The following SLC4A4 variants were observed in gnomAD, a reference collection of about 807,000 sequenced individuals.
SLC4A4 encodes electrogenic sodium bicarbonate cotransporter 1.
In SLC4A4, 27 loss-of-function variants were observed where a neutral mutation model predicts 111.5. That is an observed-to-expected ratio of 0.24 (90% CI 0.18 to 0.33). The LOEUF (loss-of-function observed/expected upper bound fraction) is 0.33. Among genes scored for constraint, SLC4A4 ranks in the 10% least tolerant of loss-of-function variants. The pLI is 1.00. For missense variants in SLC4A4, 909 were observed against 1,315.5 expected, an observed-to-expected ratio of 0.69 and a Z score of 4.78; for synonymous variants, 443 against 463.4, an observed-to-expected ratio of 0.96 and a Z score of 0.57.
chr4:71,296,165 T>A (rs1388761018), intron 3 of SLC4A4, among the ~76,000 whole-genome samples: 2 of 152,170 alleles, frequency 1.3e-5, no homozygotes, highest in Admixed American at 1.3e-4. Flanking sequence ...TATGACTGTG[T>A]TTTTATTTTC....
chr4:71,522,672 T>C (rs2045048), intron 16 of SLC4A4, among the ~76,000 whole-genome samples: 88,037 of 152,038 alleles, frequency 0.58, 28,350 homozygotes, highest in Non-Finnish European at 0.74. Context: ...CTAATTTTCT[T>C]CCTTAGAATA....
chr4:71,204,505 A>G (rs1382943132), intron 1 of SLC4A4, among the ~76,000 whole-genome samples: 2 of 152,144 alleles, frequency 1.3e-5, no homozygotes, highest in African/African-American at 4.8e-5. Flanking sequence ...TTGTTTCCAT[A>G]CAGGTTTCAC....
chr4:71,421,179 T>G (rs1391594384), intron 7 of SLC4A4, among the ~76,000 whole-genome samples: 1 of 151,704 alleles, frequency 6.6e-6, no homozygotes, highest in Non-Finnish European at 1.5e-5. Context: ...AGGTAGGGGT[T>G]TCAATCCTAG....
At chr4:71,554,919 T>C (rs927958029) in intron 20 of SLC4A4, among the ~76,000 whole-genome samples, 1 of 151,722 alleles carries the variant, frequency 6.6e-6, no homozygotes, top group Admixed American at 6.6e-5. Context: ...AAAACAAGCA[T>C]CCAATGAAAA....
At chr4:71,469,303 T>G (rs1043493115) in intron 13 of SLC4A4, among the ~76,000 whole-genome samples, 1 of 152,008 alleles carries the variant, frequency 6.6e-6, no homozygotes, top group Non-Finnish European at 1.5e-5. Context: ...TATTTTTCCC[T>G]ATATTCTTTA....
intron 16 of SLC4A4, among the ~76,000 whole-genome samples, chr4:71,515,549 C>T (rs994679986): frequency 1.3e-5 from 2 of 152,114 alleles, no homozygotes; most frequent in Non-Finnish European, 2.9e-5. Flanking sequence ...TCTAGATTAT[C>T]TATTTAATGC....
At chr4:71,362,096 T>C (rs1161779914) in intron 6 of SLC4A4, among the ~76,000 whole-genome samples, 1 of 152,202 alleles carries the variant, frequency 6.6e-6, no homozygotes, top group African/African-American at 2.4e-5. Context: ...TTTTCTACCT[T>C]TGTAGAAAGT....
chr4:71,339,747 C>T (rs1194060316), intron 4 of SLC4A4, among the ~76,000 whole-genome samples: 1 of 151,984 alleles, frequency 6.6e-6, no homozygotes, highest in Non-Finnish European at 1.5e-5. Context: ...ATAATTTTGG[C>T]TTTTATAAGG....
At chr4:71,272,848 G>C (rs1349656004) in intron 3 of SLC4A4, among the ~76,000 whole-genome samples, 1 of 152,136 alleles carries the variant, frequency 6.6e-6, no homozygotes, top group Non-Finnish European at 1.5e-5. Context: ...TTAAGTACTA[G>C]ATATAGCAAT....
At chr4:71,328,784 T>C (rs1157352280) in intron 3 of SLC4A4, among the ~76,000 whole-genome samples, 1 of 152,114 alleles carries the variant, frequency 6.6e-6, no homozygotes, top group African/African-American at 2.4e-5. Flanking sequence ...CTTCACTTTG[T>C]TGATTGTTTT....
chr4:71,335,587 G>C (rs1728364731), intron 3 of SLC4A4, among the ~76,000 whole-genome samples: 1 of 152,120 alleles, frequency 6.6e-6, no homozygotes, highest in African/African-American at 2.4e-5. Context: ...GCACTTTGGA[G>C]GGCCGAGGAG....
intron 16 of SLC4A4, among the ~76,000 whole-genome samples, chr4:71,521,257 G>A (rs1320614722): frequency 6.6e-6 from 1 of 151,892 alleles, no homozygotes; most frequent in East Asian, 1.9e-4. Context: ...AATGAGATGA[G>A]GTCTTATTCA....
At chr4:71,197,779 T>C (rs934279463) in intron 1 of SLC4A4, among the ~76,000 whole-genome samples, 1 of 152,240 alleles carries the variant, frequency 6.6e-6, no homozygotes, top group Non-Finnish European at 1.5e-5. Context: ...TCTGAAGAAA[T>C]ATGTATTTAT....
Position 71,255,302 on chromosome 4 carries a change from A to C in SLC4A4, c.156A>C (p.Lys52Asn). The change falls in exon 3 of 26, where the codon AAA (lysine) becomes AAC (asparagine). Residue 52 changes from lysine (K) to asparagine (N), a missense_variant. By Grantham distance (94) the Lys-to-Asn change is moderately conservative. Coordinates refer to ENST00000264485, the MANE Select transcript of SLC4A4 (RefSeq NM_001098484.3). ...RRRHKRKTGH[K>N]EKKEKERISE... ...GTCACAAGAGAAAGACAGGGCACAAAGAAAAGAAGGAAAAGGAGAGAATCT... is the reference window on the plus strand; with the variant it reads ...GTCACAAGAGAAAGACAGGGCACAACGAAAAGAAGGAAAAGGAGAGAATCT... 2 of 1,613,614 alleles carry C rather than the reference A, an allele frequency of 1.2e-6. No homozygotes were observed. The highest frequency in any genetic ancestry group is 1.7e-6 in the Non-Finnish European group (2 of 1,179,616).
intron 18 of SLC4A4, among the ~76,000 whole-genome samples, chr4:71,543,922 A>G (rs1735284626): frequency 6.6e-6 from 1 of 151,982 alleles, no homozygotes; most frequent in African/African-American, 2.4e-5. Context: ...GCTAAACAAG[A>G]GTTTATAATT....
chr4:71,387,504 A>AT (rs1375482179), intron 6 of SLC4A4, among the ~76,000 whole-genome samples: 1 of 151,884 alleles, frequency 6.6e-6, no homozygotes, highest in Non-Finnish European at 1.5e-5. Context: ...TTATTTATTT[A>AT]TTTTTTTGAA....
At position 71,314,286 on chromosome 4, in the gene SLC4A4, G is replaced by A. The variant is rs138374514; in HGVS notation, c.254-25084G>A. ...TCTGGAAACAACAGATGCTAATGAG[G>A]ATGTGGAGAATTAGGAATGCTTTTA... On this transcript the variant is annotated intron_variant, in intron 3 of 25. Coordinates refer to ENST00000264485, the MANE Select transcript of SLC4A4 (RefSeq NM_001098484.3). Among the ~76,000 whole-genome samples, 844 of 152,294 alleles carry A rather than the reference G, an allele frequency of 5.5e-3. 9 individuals carry two copies. The highest frequency in any genetic ancestry group is 0.017 in the African/African-American group (721 of 41,574).
At chr4:71,312,771 T>A (rs1726310433) in intron 3 of SLC4A4, among the ~76,000 whole-genome samples, 1 of 152,126 alleles carries the variant, frequency 6.6e-6, no homozygotes, top group Admixed American at 6.5e-5. Flanking sequence ...TGGGACATAT[T>A]TCAAAATAAT....
intron 15 of SLC4A4, among the ~76,000 whole-genome samples, chr4:71,490,238 G>A (rs1388892699): frequency 6.6e-6 from 1 of 151,820 alleles, no homozygotes; most frequent in African/African-American, 2.4e-5. Flanking sequence ...CCAGCTCTCA[G>A]AGTGTGAGAC....
Sources: gnomAD v4.1 joint callset for allele counts (sites outside exome capture counted in the v4.1 genomes callset) on GRCh38, gnomAD v4.1.1 for gene constraint, MANE v1.5 for transcripts, NCBI Gene and HGNC (gene_info 2026-07-23, HGNC 2026-07-21) for gene names.